Variants in CLDN7 observed in about 807,000 individuals in gnomAD.
CLDN7 encodes claudin-7.
CLDN7 carries 15 observed loss-of-function variants against 20.3 expected under a neutral mutation model. The observed-to-expected ratio is 0.74, with a 90% CI of 0.49 to 1.14. The LOEUF (loss-of-function observed/expected upper bound fraction) is 1.14, where lower values mean the gene tolerates loss of function less well. CLDN7 is among the 50% of genes most tolerant of loss of function. The pLI is 0.00. For synonymous variants in CLDN7, 117 were observed against 106.1 expected, an observed-to-expected ratio of 1.10 and a Z score of -0.63; for missense variants, 261 against 274.2, an observed-to-expected ratio of 0.95 and a Z score of 0.34.
chr17:7,260,147 A>C lies in CLDN7; in HGVS notation c.*227T>G, dbSNP rs992476195. 1.4e-5 allele frequency: 6 copies of C among 436,446 alleles called. No homozygotes were observed. In the East Asian group the frequency reaches 2.3e-4, roughly 17 times the overall value. The allele number at this position is 436,446 out of a possible 1,614,324, so 27.0% of individuals were successfully genotyped here. On this transcript the variant is annotated 3_prime_UTR_variant, in exon 4 of 4. Transcript: ENST00000360325. The stretch of plus-strand genomic sequence containing the variant: ...AAGGGAAAAAAGCCTGCTTCCCAAT[A>C]CTTATTTTTTATTACTGTACAAAAA...
At position 7,260,700 on chromosome 17, in the gene CLDN7, A is replaced by G. The variant is rs2143002096; in HGVS notation, c.415T>C (p.Trp139Arg). The G allele has an allele frequency of 6.2e-7, 1 of 1,614,258 alleles. No homozygotes were observed. The highest frequency in any genetic ancestry group is 2.2e-5 in the East Asian group (1 of 44,884). ...AGLAALVACSWYGHQIVTDFY... is the reference protein window; with the variant it reads ...AGLAALVACSRYGHQIVTDFY... ...TCTGTGACAATCTGATGGCCATACC[A>G]GGAGCAAGCTACCAAGGCGGCAAGA... Residue 139 changes from tryptophan (W) to arginine (R), a missense_variant, in exon 3 of 4, where the codon TGG (tryptophan) becomes CGG (arginine). By Grantham distance (101) the Trp-to-Arg change is moderately radical. Coordinates refer to ENST00000360325, the MANE Select transcript of CLDN7 (RefSeq NM_001307.6).
At chr17:7,261,729 G>T in intron 1 of CLDN7, 92 bp downstream of exon 1, 1 of 1,357,392 alleles carries the variant, frequency 7.4e-7, no homozygotes, top group Non-Finnish European at 9.9e-7. Flanking sequence ...GGCAACCCAG[G>T]GCCCCCAGCC....
In CLDN7 at chr17:7,260,646, T is replaced by C; in HGVS notation, c.469A>G (p.Ile157Val). 6.2e-7 allele frequency: 1 copy of C among 1,614,140 alleles called. No homozygotes were observed. The highest frequency in any genetic ancestry group is 1.7e-5 in the Admixed American group (1 of 60,016). ...AGGCAGGGTTCCCAGACTTACTTAA[T>C]GTTGGTAGGGATCAAAGGGTTATAA... is the stretch of plus-strand genomic sequence containing the variant. Reference protein sequence around the residue: ...DFYNPLIPTNIKYEFGPAIFI... With the variant: ...DFYNPLIPTNVKYEFGPAIFI... The change falls in exon 3 of 4, where the codon ATT becomes GTT. Residue 157 changes from isoleucine to valine, a missense_variant. This residue lies in a region of CLDN7 where 215 missense variants were observed against 199.6 expected (regional missense o/e 1.08). Transcript: ENST00000360325.
Position 7,260,887 on chromosome 17 carries a change from C to A in CLDN7, c.322G>T (p.Gly108Trp). The stretch of plus-strand genomic sequence containing the variant: ...GCCTTCTTCACTTTGTCGTCTCCCC[C>A]ACAGCGCGTGCACTTCATGCCCATC... ...ATMGMKCTRC[G>W]GDDKVKKARI... is the part of the protein sequence containing the mutation. The change falls in exon 2 of 4, where the codon GGG becomes TGG. Residue 108 changes from glycine to tryptophan, a missense_variant. Physicochemically the swap from Gly to Trp is radical, Grantham distance 184. Transcript: ENST00000360325. The A allele has an allele frequency of 1.9e-6, 3 of 1,614,270 alleles. No individual in the cohort carries two copies. Among genetic ancestry groups the A allele is most frequent in the Non-Finnish European group, 2.5e-6 (3 of 1,180,048 alleles).
At position 7,262,404 on chromosome 17, in the gene CLDN7, A is replaced by G. The variant is rs1458095622; in HGVS notation, c.-361T>C. ...CGTTTCTGAGCGCCGGCAAGTCCCA[A>G]AGTATCCTGGGCTGTAGGTCCGAGG... On this transcript the variant is annotated 5_prime_UTR_variant, in exon 1 of 4. Coordinates refer to ENST00000360325, the MANE Select transcript of CLDN7 (RefSeq NM_001307.6). This position sits in a 1 kb window ranked among gnomAD's most constrained non-coding sequence, Gnocchi z 6.6. 7.7e-6 allele frequency: 9 copies of G among 1,171,208 alleles called. No homozygotes were observed. Among genetic ancestry groups the G allele is most frequent in the Non-Finnish European group, 8.5e-6 (8 of 938,668 alleles). 72.6% of individuals were successfully genotyped at this position (1,171,208 alleles called of 1,614,324 possible).
upstream of CLDN7, chr17:7,262,558 C>T (rs2072243050): frequency 4.2e-6 from 1 of 237,158 alleles, no homozygotes; most frequent in South Asian, 1.5e-4. This position sits in a 1 kb window ranked among gnomAD's most constrained non-coding sequence, Gnocchi z 6.6. Flanking sequence ...GAGGGGGAGG[C>T]GGGACCGGAG....
chr17:7,261,672 C>T, intron 1 of CLDN7, 149 bp downstream of exon 1: 1 of 614,870 alleles, frequency 1.6e-6, no homozygotes. Flanking sequence ...CGCTCCCGCC[C>T]AGCCCCGCCG....
rs2072241479 is a variant in CLDN7, at chr17:7,262,470, G to A, written c.-427C>T. Reference sequence around the variant, plus strand: ...GAGGTGGCTCGGAGGTGAGCCAGCAGGTGCGGGCGGACAGGTGGGGCGCAC... The same window carrying A: ...GAGGTGGCTCGGAGGTGAGCCAGCAAGTGCGGGCGGACAGGTGGGGCGCAC... On this transcript the variant is annotated 5_prime_UTR_variant, in exon 1 of 4. Transcript: ENST00000360325. This position sits in a 1 kb window ranked among gnomAD's most constrained non-coding sequence, Gnocchi z 6.6. The A allele has an allele frequency of 1.0e-6, 1 of 969,474 alleles. No homozygotes were observed. The highest frequency in any genetic ancestry group is 1.2e-6 in the Non-Finnish European group (1 of 804,800). The allele number at this position is 969,474 out of a possible 1,614,324, so 60.1% of individuals were successfully genotyped here. A position where few individuals can be genotyped will look rare whatever the true frequency, so the allele number is the denominator to read the frequency against.
At position 7,262,207 on chromosome 17, in the gene CLDN7, A is replaced by G; in HGVS notation, c.-164T>C. The G allele has an allele frequency of 1.1e-5, 16 of 1,438,506 alleles. No homozygotes were observed. Among genetic ancestry groups the G allele is most frequent in the Non-Finnish European group, 1.3e-5 (14 of 1,102,076 alleles). 89.1% of individuals were successfully genotyped at this position (1,438,506 alleles called of 1,614,324 possible). On this transcript the variant is annotated 5_prime_UTR_variant, in exon 1 of 4. Coordinates refer to ENST00000360325, the MANE Select transcript of CLDN7 (RefSeq NM_001307.6). This position sits in a 1 kb window ranked among gnomAD's most constrained non-coding sequence, Gnocchi z 6.6. ...CAGGTGAATGCAAATCTTGTCACCAAACTACACACAAATCGACCCCTCCAG... is the reference window on the plus strand; with the variant it reads ...CAGGTGAATGCAAATCTTGTCACCAGACTACACACAAATCGACCCCTCCAG...
Position 7,262,355 on chromosome 17 carries a change from A to C in CLDN7, c.-312T>G. 1 of 1,249,580 alleles carries C rather than the reference A, an allele frequency of 8.0e-7. No individual in the cohort carries two copies. The highest frequency in any genetic ancestry group is 1.0e-6 in the Non-Finnish European group (1 of 987,034). The allele number at this position is 1,249,580 out of a possible 1,614,324, so 77.4% of individuals were successfully genotyped here. A position where few individuals can be genotyped will look rare whatever the true frequency, so the allele number is the denominator to read the frequency against. ...CGCTCTCGGCGACCCTAGGCAAACA[A>C]AAGGTGGAGGGGCCGTCTGGGCGCG... On this transcript the variant is annotated 5_prime_UTR_variant, in exon 1 of 4. Transcript: ENST00000360325. The surrounding 1 kb of genome is among the most constrained non-coding windows in gnomAD (Gnocchi z 6.6).
chr17:7,260,820 C>T lies in CLDN7; in HGVS notation c.388+1G>A. 6.2e-7 allele frequency: 1 copy of T among 1,614,224 alleles called. No homozygotes were observed. Among genetic ancestry groups the T allele is most frequent in the Non-Finnish European group, 8.5e-7 (1 of 1,180,030 alleles). On this transcript the variant is annotated splice_donor_variant, in intron 2 of 3. Transcript: ENST00000360325. LOFTEE classifies it high-confidence loss of function. The stretch of plus-strand genomic sequence containing the variant: ...CCAGATGGGAGAACCCGGGGGCTCA[C>T]CTGCCACGATGAAAATTATGCCTCC...
rs1183636853 is a variant in CLDN7 at position 7,260,253 on chromosome 17, G to A, written c.*121C>T. 13 of 1,066,640 alleles carry A rather than the reference G, an allele frequency of 1.2e-5. No individual in the cohort carries two copies. The highest frequency in any genetic ancestry group is 1.7e-5 in the Non-Finnish European group (13 of 744,098). 66.1% of individuals were successfully genotyped at this position (1,066,640 alleles called of 1,614,324 possible). A position where few individuals can be genotyped will look rare whatever the true frequency, so the allele number is the denominator to read the frequency against. On this transcript the variant is annotated 3_prime_UTR_variant, in exon 4 of 4. Coordinates refer to ENST00000360325, the MANE Select transcript of CLDN7 (RefSeq NM_001307.6). ...CAAGAGGACTATACATGGAGTGCAG[G>A]GACAGAGTGACCAGGAGGCCTTTGT...
Position 7,261,836 on chromosome 17 carries a change from C to T in CLDN7, c.208G>A (p.Val70Met). ...GMMSCKMYDSVLALSAALQAT... is the reference protein window; with the variant it reads ...GMMSCKMYDSMLALSAALQAT... ...GCGGCCTTACCGGACAGGGCGAGCA[C>T]CGAGTCGTACATTTTGCAGCTCATC... Residue 70 changes from valine (V) to methionine (M), a missense_variant, in exon 1 of 4, where the codon GTG (valine) becomes ATG (methionine). By Grantham distance (21) the Val-to-Met change is conservative. Coordinates refer to ENST00000360325, the MANE Select transcript of CLDN7 (RefSeq NM_001307.6). 6.2e-7 allele frequency: 1 copy of T among 1,613,386 alleles called. No individual in the cohort carries two copies. Among genetic ancestry groups the T allele is most frequent in the Non-Finnish European group, 8.5e-7 (1 of 1,180,040 alleles).
intron 3 of CLDN7, 28 bp downstream of exon 3, chr17:7,260,614 C>T: frequency 6.2e-7 from 1 of 1,613,958 alleles, no homozygotes; most frequent in East Asian, 2.2e-5. Flanking sequence ...AGACCTGTCC[C>T]CTTAGGAGGC....
chr17:7,260,239 T>A lies in CLDN7; in HGVS notation c.*135A>T. 3.9e-5 allele frequency: 26 copies of A among 660,908 alleles called. No individual in the cohort carries two copies. The highest frequency in any genetic ancestry group is 5.3e-5 in the Non-Finnish European group (22 of 412,326). 40.9% of individuals were successfully genotyped at this position (660,908 alleles called of 1,614,324 possible). On this transcript the variant is annotated 3_prime_UTR_variant, in exon 4 of 4. Transcript: ENST00000360325. ...CCCCACCCCCAACCCAAGAGGACTA[T>A]ACATGGAGTGCAGGGACAGAGTGAC...
intron 1 of CLDN7, 189 bp from the exon 2 acceptor site, chr17:7,261,174 G>A (rs2072208286): frequency 1.3e-6 from 1 of 742,414 alleles, no homozygotes; most frequent in South Asian, 1.9e-5. Context: ...CGACAGCGCG[G>A]CCTTCCTGCT....
chr17:7,260,798 G>C (rs201481204), intron 2 of CLDN7, 23 bp downstream of exon 2: 1 of 1,614,132 alleles, frequency 6.2e-7, no homozygotes, highest in African/African-American at 1.3e-5. Context: ...GCTCCTCCCA[G>C]ATGGGAGAAC....
chr17:7,260,230 A>C lies in CLDN7; in HGVS notation c.*144T>G. The C allele has an allele frequency of 1.4e-6, 1 of 701,946 alleles. No individual in the cohort carries two copies. The highest frequency in any genetic ancestry group is 2.1e-6 in the Non-Finnish European group (1 of 465,392). 43.5% of individuals were successfully genotyped at this position (701,946 alleles called of 1,614,324 possible). The stretch of plus-strand genomic sequence containing the variant: ...ACGGCACCCCCCCACCCCCAACCCA[A>C]GAGGACTATACATGGAGTGCAGGGA... On this transcript the variant is annotated 3_prime_UTR_variant, in exon 4 of 4. Transcript: ENST00000360325.
Position 7,262,038 on chromosome 17 carries a change from G to A in CLDN7, c.6C>T (p.Ala2=), listed in dbSNP as rs778496052. 14 of 1,610,470 alleles carry A rather than the reference G, an allele frequency of 8.7e-6. 1 individual carries two copies. The South Asian group carries it at 1.3e-4, about 15-fold the overall frequency. The change falls in exon 1 of 4, where the codon GCC becomes GCT. Residue 2 remains alanine, a synonymous_variant. Transcript: ENST00000360325. This position sits in a 1 kb window ranked among gnomAD's most constrained non-coding sequence, Gnocchi z 6.6. The stretch of plus-strand genomic sequence containing the variant: ...AGCCCAGCAACTGCAGGCCCGAATT[G>A]GCCATTTCCGCCCTCAGAAAACACT... M[A]NSGLQLLGFS...
Sources: gnomAD v4.1 joint callset for allele counts on GRCh38, gnomAD v4.1.1 for gene constraint, gnomAD v4.1.1 regional missense constraint, Gnocchi (gnomAD v3.1) non-coding constraint, MANE v1.5 for transcripts, NCBI Gene and HGNC (gene_info 2026-07-23, HGNC 2026-07-21) for gene names.